LYPD6B: variants seen among roughly 807,000 people sequenced by gnomAD.
The protein encoded by LYPD6B is LY6/PLAUR domain containing 6B.
In LYPD6B, 17 loss-of-function variants were observed where a neutral mutation model predicts 22.8. That is an observed-to-expected ratio of 0.75 (90% confidence interval 0.51 to 1.12). The LOEUF is 1.12. Among genes scored for constraint, LYPD6B ranks in the 50% most tolerant of loss-of-function variants. The pLI, the probability that LYPD6B is intolerant of heterozygous loss-of-function variation, is 0.00. For synonymous variants in LYPD6B, 106 were observed against 91.6 expected, an observed-to-expected ratio of 1.16 and a Z score of -0.90; for missense variants, 221 against 258.3, an observed-to-expected ratio of 0.86 and a Z score of 0.99.
intron 1 of LYPD6B, among the ~76,000 whole-genome samples, chr2:149,062,057 G>A (rs2105324534): frequency 6.6e-6 from 1 of 151,650 alleles, no homozygotes; most frequent in Admixed American, 6.6e-5. Context: ...CGCCATCTCA[G>A]CTCACCACAA....
At chr2:149,086,756 G>A (rs1685414431) in intron 1 of LYPD6B, among the ~76,000 whole-genome samples, 1 of 152,140 alleles carries the variant, frequency 6.6e-6, no homozygotes, top group African/African-American at 2.4e-5. Context: ...CAAGATTAAG[G>A]TGATGGCAGG....
At position 149,091,123 on chromosome 2, in the gene LYPD6B, T is replaced by C. The variant is rs115436143; in HGVS notation, c.-66-39760T>C. On this transcript the variant is annotated intron_variant, in intron 1 of 6. Transcript: ENST00000409642. ...GCATTAGCTTTGGGGGAACTCTTGA[T>C]TTACACTGAACTTTGCAATAAAATG... 2.1e-3 allele frequency among the ~76,000 whole-genome samples: 322 copies of C among 152,266 alleles called. 2 individuals are homozygous for C. The highest frequency in any genetic ancestry group is 7.3e-3 in the African/African-American group (304 of 41,568).
chr2:149,053,402 G>T (rs1683652021), intron 1 of LYPD6B, among the ~76,000 whole-genome samples: 1 of 152,100 alleles, frequency 6.6e-6, no homozygotes, highest in Admixed American at 6.5e-5. Context: ...ACATTGCAGA[G>T]AACGTGTTTA....
At chr2:149,162,400 C>G (rs1187887548) in intron 3 of LYPD6B, among the ~76,000 whole-genome samples, 1 of 152,130 alleles carries the variant, frequency 6.6e-6, no homozygotes, top group Non-Finnish European at 1.5e-5. Flanking sequence ...CAAAGTTAGA[C>G]AAGCTAAAAG....
At chr2:149,135,240 G>A (rs1336925787) in intron 2 of LYPD6B, among the ~76,000 whole-genome samples, 1 of 131,820 alleles carries the variant, frequency 7.6e-6, no homozygotes, top group African/African-American at 2.8e-5. Context: ...GCAAGACTCT[G>A]TCTCAAATTA....
At chr2:149,138,785 C>T (rs1688516157) in intron 2 of LYPD6B, among the ~76,000 whole-genome samples, 1 of 152,162 alleles carries the variant, frequency 6.6e-6, no homozygotes, top group Non-Finnish European at 1.5e-5. Flanking sequence ...CTGCCTCAAG[C>T]AATCCTCCTA....
intron 1 of LYPD6B, among the ~76,000 whole-genome samples, chr2:149,106,360 C>T (rs868844606): frequency 5.4e-4 from 82 of 152,106 alleles, no homozygotes; most frequent in African/African-American, 1.9e-3. Context: ...GGTATTATTT[C>T]TTCCTTACAT....
chr2:149,177,178 A>C (rs553519336), intron 3 of LYPD6B, among the ~76,000 whole-genome samples: 2 of 152,328 alleles, frequency 1.3e-5, no homozygotes, highest in East Asian at 3.9e-4. Flanking sequence ...ATGGCCCCCA[A>C]ACACGTGAAC....
In LYPD6B at chr2:149,167,091, G is replaced by A. The variant is rs867031043; in HGVS notation, c.77+6256G>A. On this transcript the variant is annotated intron_variant, in intron 3 of 6. Transcript: ENST00000409642. ...TCTCTTGTGGATGCTCACTTTCCTC[G>A]TTTCTTATTCAAACCAGCTGGGACA... Among the ~76,000 whole-genome samples the A allele has an allele frequency of 4.1e-5, 6 of 147,774 alleles. No individual in the cohort carries two copies. In the South Asian group the frequency reaches 6.5e-4, roughly 16 times the overall value.
At chr2:149,085,642 G>A (rs1182839507) in intron 1 of LYPD6B, among the ~76,000 whole-genome samples, 12 of 152,228 alleles carry the variant, frequency 7.9e-5, no homozygotes, top group Admixed American at 7.2e-4. Context: ...GGCTGTGGAT[G>A]TGGAGAGTTA....
intron 1 of LYPD6B, among the ~76,000 whole-genome samples, chr2:149,058,059 A>C (rs1400691172): frequency 6.6e-6 from 1 of 152,172 alleles, no homozygotes; most frequent in East Asian, 1.9e-4. Context: ...GCAGCCAGGA[A>C]CCTGAGTTCT....
chr2:149,209,128 A>G (rs1693683771), intron 5 of LYPD6B, among the ~76,000 whole-genome samples: 1 of 152,190 alleles, frequency 6.6e-6, no homozygotes, highest in Non-Finnish European at 1.5e-5. Flanking sequence ...AAGGGCCAGG[A>G]TATGCAGGAG....
In LYPD6B at chr2:149,081,909, A is replaced by T. The variant is rs537255732; in HGVS notation, c.-67+43108A>T. ...CACCCATGTTGTTGCCTATAGTGAGAGTTCATTTATCCCAATGGTTGTATG... is the reference window on the plus strand; with the variant it reads ...CACCCATGTTGTTGCCTATAGTGAGTGTTCATTTATCCCAATGGTTGTATG... On this transcript the variant is annotated intron_variant, in intron 1 of 6. Transcript: ENST00000409642. 6.6e-5 allele frequency among the ~76,000 whole-genome samples: 10 copies of T among 152,242 alleles called. No homozygotes were observed. In the East Asian group the frequency reaches 1.9e-3, roughly 29 times the overall value.
intron 1 of LYPD6B, among the ~76,000 whole-genome samples, chr2:149,093,732 G>T (rs1426977233): frequency 6.6e-6 from 1 of 152,068 alleles, no homozygotes; most frequent in Non-Finnish European, 1.5e-5. Context: ...ATTTTCTTCT[G>T]CATTTCTTGC....
intron 4 of LYPD6B, among the ~76,000 whole-genome samples, chr2:149,205,620 A>G (rs1353433046): frequency 2.0e-5 from 3 of 152,214 alleles, no homozygotes; most frequent in Non-Finnish European, 4.4e-5. Flanking sequence ...CTGAAGTTTT[A>G]AAAGCATTCT....
intron 2 of LYPD6B, chr2:149,144,060 C>A (rs1871961): frequency 0.5 from 76,661 of 151,850 alleles, 19,926 homozygotes; most frequent in South Asian, 0.68. Flanking sequence ...TACATATATT[C>A]AGCTTTGACT....
intron 4 of LYPD6B, 86 bp downstream of exon 4, chr2:149,205,490 C>T (rs760682696): frequency 8.7e-6 from 12 of 1,384,046 alleles, no homozygotes; most frequent in Non-Finnish European, 1.1e-5. Context: ...ATTGTAACTT[C>T]GTCTTTCCCA....
At chr2:149,172,154 G>A (rs998250966) in intron 3 of LYPD6B, among the ~76,000 whole-genome samples, 12 of 152,116 alleles carry the variant, frequency 7.9e-5, no homozygotes, top group South Asian at 2.1e-4. Context: ...TTCACATGGC[G>A]GCAGGAAGAA....
chr2:149,081,449 G>T (rs1228840879), intron 1 of LYPD6B, among the ~76,000 whole-genome samples: 1 of 152,182 alleles, frequency 6.6e-6, no homozygotes, highest in Non-Finnish European at 1.5e-5. Context: ...TTGAAGTATA[G>T]ATCTGGAAAT....
Sources: allele counts gnomAD v4.1 joint callset (sites outside exome capture counted in the v4.1 genomes callset), GRCh38; gene constraint gnomAD v4.1.1; transcripts MANE v1.5; gene names NCBI Gene and HGNC (gene_info 2026-07-23, HGNC 2026-07-21).